Variants in IL3RA observed in about 807,000 individuals in gnomAD.
The protein encoded by IL3RA is interleukin 3 receptor subunit alpha.
In IL3RA, 73 loss-of-function variants were observed where a neutral mutation model predicts 52.3. That is an observed-to-expected ratio of 1.40 (90% confidence interval 1.16 to 1.70). IL3RA has a LOEUF of 1.70. Ranked by LOEUF, IL3RA falls within the 40% of genes most tolerant of loss-of-function variation. The pLI is 0.00. For synonymous variants in IL3RA, 260 were observed against 194.0 expected, an observed-to-expected ratio of 1.34 and a Z score of -2.83; for missense variants, 664 against 504.4, an observed-to-expected ratio of 1.32 and a Z score of -3.03.
rs201088376 is a variant in IL3RA, at chrX:1,352,311, G to A, written c.432-11G>A. On this transcript the variant is annotated splice_polypyrimidine_tract_variant and intron_variant, in intron 5 of 11. Transcript: ENST00000331035. ...CGTGGGGTCGTCCCCCAACCTTACC[G>A]CTTACCGCAGCAGGCGTCAACAGTA... The A allele has an allele frequency of 3.1e-6, 5 of 1,613,676 alleles. No individual in the cohort carries two copies. Among genetic ancestry groups the A allele is most frequent in the East Asian group, 2.2e-5 (1 of 44,884 alleles).
intron 4 of IL3RA, among the ~76,000 whole-genome samples, chrX:1,349,095 C>G (rs1242853099): frequency 6.6e-6 from 1 of 151,702 alleles, no homozygotes; most frequent in Non-Finnish European, 1.5e-5. Flanking sequence ...GCAGGCTTCA[C>G]CTCCTGAGCT....
chrX:1,354,820 A>G, intron 6 of IL3RA, among the ~76,000 whole-genome samples: 1 of 64,780 alleles, frequency 1.5e-5, no homozygotes, highest in African/African-American at 6.6e-5. Flanking sequence ...GAAGAGGGTG[A>G]AGGAGAGAGG....
intron 1 of IL3RA, among the ~76,000 whole-genome samples, chrX:1,340,367 C>T (rs1227908041): frequency 6.6e-6 from 1 of 152,168 alleles, no homozygotes; most frequent in East Asian, 1.9e-4. Flanking sequence ...CTGCCCACCT[C>T]TGCTTCCCAA....
chrX:1,350,868 A>T (rs2086052220), intron 4 of IL3RA, among the ~76,000 whole-genome samples: 1 of 116,470 alleles, frequency 8.6e-6, no homozygotes, highest in Non-Finnish European at 1.8e-5. Context: ...AGCCTGGGCA[A>T]CAAGAGTGAA....
At chrX:1,356,623 T>A (rs1159061772) in intron 7 of IL3RA, among the ~76,000 whole-genome samples, 1 of 151,810 alleles carries the variant, frequency 6.6e-6, no homozygotes, top group African/African-American at 2.4e-5. Flanking sequence ...CGAAAAAAAA[T>A]TAGCTGGGCG....
intron 9 of IL3RA, among the ~76,000 whole-genome samples, chrX:1,368,382 C>G (rs1188164437): frequency 3.3e-5 from 5 of 151,940 alleles, no homozygotes; most frequent in African/African-American, 1.2e-4. Context: ...GTCAGGAGTT[C>G]GAGACCAGCC....
rs1344266799 is a variant in IL3RA at position 1,336,819 on chromosome X, G to C, written c.-146G>C. The C allele has an allele frequency of 4.6e-5, 7 of 152,280 alleles. No homozygotes were observed. The highest frequency in any genetic ancestry group is 1.4e-4 in the African/African-American group (6 of 41,548). 9.4% of individuals were successfully genotyped at this position (152,280 alleles called of 1,614,324 possible). A position where few individuals can be genotyped will look rare whatever the true frequency, so the allele number is the denominator to read the frequency against. On this transcript the variant is annotated 5_prime_UTR_variant, in exon 1 of 12. Coordinates refer to ENST00000331035, the MANE Select transcript of IL3RA (RefSeq NM_002183.4). ...CTCTTCGGGGAAAGCTGCTTTCAGC[G>C]CACACGGGAAGATATCAGAAACATC...
chrX:1,342,662 T>C (rs1265611570), intron 2 of IL3RA, among the ~76,000 whole-genome samples: 2 of 149,936 alleles, frequency 1.3e-5, no homozygotes, highest in Non-Finnish European at 3.0e-5. Flanking sequence ...CTGGGTTCAA[T>C]TGATTCTCCT....
Position 1,367,913 on chromosome X carries a change from G to C in IL3RA, c.874+2661G>C, listed in dbSNP as rs755156005. Among the ~76,000 whole-genome samples the C allele has an allele frequency of 2.6e-5, 4 of 151,950 alleles. No homozygotes were observed. In the South Asian group the frequency reaches 8.3e-4, roughly 32 times the overall value. ...CCCCAGTTTCTGTGACCCCAAAAAG[G>C]ACCCTGAACCCGACGGTGAACTCAC... On this transcript the variant is annotated intron_variant, in intron 9 of 11. Transcript: ENST00000331035.
At chrX:1,345,759 G>C (rs1286038283) in intron 3 of IL3RA, among the ~76,000 whole-genome samples, 1 of 151,898 alleles carries the variant, frequency 6.6e-6, no homozygotes, top group African/African-American at 2.4e-5. Context: ...CAAAGTGCTG[G>C]GATTACAGGC....
intron 9 of IL3RA, among the ~76,000 whole-genome samples, chrX:1,377,079 AC>A: frequency 7.2e-6 from 1 of 138,940 alleles, no homozygotes; most frequent in Admixed American, 7.4e-5. Flanking sequence ...ACACAGACAC[AC>A]ACCAAGGGAC....
intron 6 of IL3RA, 65 bp from the exon 7 acceptor site, chrX:1,356,156 G>A (rs774625335): frequency 2.8e-6 from 3 of 1,056,026 alleles, no homozygotes; most frequent in East Asian, 2.4e-5. Flanking sequence ...GAAAAAAAAA[G>A]AGAAAAAGAA....
chrX:1,360,031 ATCTC>A (rs55974476), intron 8 of IL3RA, among the ~76,000 whole-genome samples: 1 of 104,366 alleles, frequency 9.6e-6, no homozygotes, highest in African/African-American at 4.5e-5. Flanking sequence ...CCTTCTCCCC[ATCTC>A]TCTCTCTCTG....
intron 8 of IL3RA, among the ~76,000 whole-genome samples, chrX:1,361,895 T>C (rs1356057481): frequency 4.6e-5 from 7 of 151,790 alleles, no homozygotes; most frequent in Non-Finnish European, 7.4e-5. Flanking sequence ...TCCTACCCAG[T>C]CCCTCTCACA....
rs1177372833 is a variant in IL3RA, at chrX:1,356,354, C to A, written c.732+18C>A. On this transcript the variant is annotated intron_variant, in intron 7 of 11. Coordinates refer to ENST00000331035, the MANE Select transcript of IL3RA (RefSeq NM_002183.4). ...TACAAAAGGTAAACTTTCACCCCGCCCCCAGCCCCCCCACCCCCGTGGACA... is the reference window on the plus strand; with the variant it reads ...TACAAAAGGTAAACTTTCACCCCGCACCCAGCCCCCCCACCCCCGTGGACA... 7.3e-6 allele frequency: 10 copies of A among 1,361,168 alleles called. No homozygotes were observed. Among genetic ancestry groups the A allele is most frequent in the Non-Finnish European group, 9.1e-6 (9 of 984,556 alleles). The allele number at this position is 1,361,168 out of a possible 1,614,324, so 84.3% of individuals were successfully genotyped here. A position where few individuals can be genotyped will look rare whatever the true frequency, so the allele number is the denominator to read the frequency against.
At chrX:1,351,063 T>C (rs1258871695) in intron 4 of IL3RA, among the ~76,000 whole-genome samples, 1 of 151,262 alleles carries the variant, frequency 6.6e-6, no homozygotes, top group Non-Finnish European at 1.5e-5. Context: ...AAAAATTAGC[T>C]GGGTGTGGTA....
At chrX:1,358,807 A>C (rs1340848501) in intron 7 of IL3RA, 54 bp from the exon 8 acceptor site, 23 of 1,604,470 alleles carry the variant, frequency 1.4e-5, no homozygotes, top group Middle Eastern at 1.7e-4. Flanking sequence ...TGGGAGGAGG[A>C]GGCTTTCAGG....
intron 9 of IL3RA, among the ~76,000 whole-genome samples, chrX:1,377,273 A>T (rs1363587063): frequency 6.6e-6 from 1 of 150,752 alleles, no homozygotes; most frequent in Non-Finnish European, 1.5e-5. Context: ...ATGGAGTCTC[A>T]CTCTGTCGCC....
At position 1,352,439 on chromosome X, in the gene IL3RA, G is replaced by C. The variant is rs147755324; in HGVS notation, c.549G>C (p.Leu183=). The C allele has an allele frequency of 9.0e-5, 145 of 1,613,862 alleles. No homozygotes were observed. Among genetic ancestry groups the C allele is most frequent in the Non-Finnish European group, 1.1e-4 (135 of 1,179,862 alleles). ...GCGGTTCTCAAAGTTCCCACATCCT[G>C]GTGCGGGGCAGGAGCGCAGCCTTCG... ...LSSGSQSSHI[L]VRGRSAAFGI... Residue 183 remains leucine, a synonymous_variant, in exon 6 of 12, where the codon CTG becomes CTC. Transcript: ENST00000331035.
Sources: gnomAD v4.1 joint callset for allele counts (sites outside exome capture counted in the v4.1 genomes callset) on GRCh38, gnomAD v4.1.1 for gene constraint, MANE v1.5 for transcripts, NCBI Gene and HGNC (gene_info 2026-07-23, HGNC 2026-07-21) for gene names.